Variants in CPEB1 observed in about 807,000 individuals in gnomAD.
CPEB1 encodes cytoplasmic polyadenylation element-binding protein 1.
CPEB1 carries 7 observed loss-of-function variants against 65.8 expected under a neutral mutation model. That is an observed-to-expected ratio of 0.11 (90% confidence interval 0.06 to 0.20). CPEB1 has a LOEUF of 0.20. Among genes scored for constraint, CPEB1 ranks in the 10% least tolerant of loss-of-function variants. The pLI, the probability that CPEB1 is intolerant of heterozygous loss-of-function variation, is 1.00. For synonymous variants in CPEB1, 262 were observed against 260.0 expected (o/e 1.01, Z -0.08); for missense variants, 551 against 712.2 (o/e 0.77, Z 2.58).
At chr15:82,609,093 G>C (rs1047318846) in intron 3 of CPEB1, among the ~76,000 whole-genome samples, 11 of 152,162 alleles carry the variant, frequency 7.2e-5, no homozygotes, top group African/African-American at 2.2e-4. Context: ...TTCATCAATG[G>C]ATCGAAGAAG....
At chr15:82,648,102 A>C, upstream of CPEB1, 1 of 364,808 alleles carries the variant, frequency 2.7e-6, no homozygotes, top group Non-Finnish European at 4.9e-6. Flanking sequence ...CGCCCCTCCT[A>C]GCAGGCCGAG....
At position 82,547,325 on chromosome 15, in the gene CPEB1, C is replaced by G. The variant is rs146805892; in HGVS notation, c.1481-88G>C. ...TTTTTTTTTTTTTTTGAGATGGAGT[C>G]TCGCTCTTTCGCCCAGGCTGGTGTG... On this transcript the variant is annotated intron_variant, in intron 10 of 12. Coordinates refer to ENST00000684509, the MANE Select transcript of CPEB1 (RefSeq NM_001365242.1). The G allele has an allele frequency of 1.1e-3, 757 of 685,210 alleles. 4 individuals are homozygous for G. In the African/African-American group the frequency reaches 0.014, roughly 13 times the overall value. 42.4% of individuals were successfully genotyped at this position (685,210 alleles called of 1,614,324 possible).
intron 10 of CPEB1, 35 bp from the exon 11 acceptor site, chr15:82,547,272 A>G: frequency 8.7e-7 from 1 of 1,151,600 alleles, no homozygotes; most frequent in Non-Finnish European, 1.3e-6. Flanking sequence ...CTTCTAACCA[A>G]ATTCTCCCAA....
At chr15:82,567,642 A>AG (rs1567185851) in intron 4 of CPEB1, among the ~76,000 whole-genome samples, 2 of 151,944 alleles carry the variant, frequency 1.3e-5, no homozygotes, top group Non-Finnish European at 2.9e-5. Context: ...TCTCAAAAAA[A>AG]AAAAGAAAAG....
At chr15:82,629,587 A>T in intron 1 of CPEB1, 1 of 985,254 alleles carries the variant, frequency 1.0e-6, no homozygotes, top group Non-Finnish European at 1.2e-6. Context: ...GGTCTCCCTC[A>T]CTCTCCACAG....
At chr15:82,608,667 TG>T (rs1180319027) in intron 3 of CPEB1, among the ~76,000 whole-genome samples, 1 of 152,244 alleles carries the variant, frequency 6.6e-6, no homozygotes, top group Non-Finnish European at 1.5e-5. Flanking sequence ...CAAAGTTTAT[TG>T]TGACAATTTT....
chr15:82,590,314 A>AT (rs1567205471), intron 3 of CPEB1, among the ~76,000 whole-genome samples: 1 of 151,514 alleles, frequency 6.6e-6, no homozygotes, highest in Non-Finnish European at 1.5e-5. Flanking sequence ...CCCATTACAC[A>AT]TATTTTTTCC....
At chr15:82,627,631 G>T (rs1432829732) in intron 2 of CPEB1, among the ~76,000 whole-genome samples, 1 of 152,062 alleles carries the variant, frequency 6.6e-6, no homozygotes, top group African/African-American at 2.4e-5. Context: ...GGCAAAAAGG[G>T]GTAGGCTAAC....
intron 3 of CPEB1, among the ~76,000 whole-genome samples, chr15:82,577,117 T>C (rs2040734916): frequency 6.6e-6 from 1 of 152,244 alleles, no homozygotes; most frequent in African/African-American, 2.4e-5. Flanking sequence ...TGACAAAACA[T>C]ACTTAAAGCA....
At chr15:82,594,134 G>C (rs1467699523) in intron 3 of CPEB1, among the ~76,000 whole-genome samples, 1 of 152,180 alleles carries the variant, frequency 6.6e-6, no homozygotes, top group Non-Finnish European at 1.5e-5. Context: ...TTTGAAGCCA[G>C]AAACTGACTT....
intron 3 of CPEB1, among the ~76,000 whole-genome samples, chr15:82,590,493 C>T (rs755171101): frequency 6.6e-6 from 1 of 152,156 alleles, no homozygotes; most frequent in Non-Finnish European, 1.5e-5. Flanking sequence ...AACCTGTATC[C>T]TTTCAGCAGT....
intron 7 of CPEB1, 54 bp downstream of exon 7, chr15:82,553,824 T>G: frequency 7.8e-7 from 1 of 1,285,034 alleles, no homozygotes; most frequent in South Asian, 1.2e-5. Flanking sequence ...TTCATGCTCC[T>G]GAAAGACATG....
chr15:82,579,725 A>T (rs535932132), intron 3 of CPEB1, among the ~76,000 whole-genome samples: 1 of 150,770 alleles, frequency 6.6e-6, no homozygotes, highest in East Asian at 2.0e-4. Context: ...ATCCTGGCTA[A>T]CAAGGTGAAA....
intron 3 of CPEB1, among the ~76,000 whole-genome samples, chr15:82,610,709 G>C (rs2044048214): frequency 6.6e-6 from 1 of 151,812 alleles, no homozygotes; most frequent in South Asian, 2.1e-4. Context: ...TGTAATCCCA[G>C]CACTTTGGGA....
At chr15:82,643,657 G>GA (rs34214467) in intron 1 of CPEB1, among the ~76,000 whole-genome samples, 12 of 149,394 alleles carry the variant, frequency 8.0e-5, no homozygotes, top group African/African-American at 1.7e-4. Flanking sequence ...TGAAATATAG[G>GA]AAAAAAAAAA....
At chr15:82,598,464 G>A (rs989659285) in intron 3 of CPEB1, among the ~76,000 whole-genome samples, 2 of 151,958 alleles carry the variant, frequency 1.3e-5, no homozygotes, top group African/African-American at 4.8e-5. Context: ...ACTCCAGCCT[G>A]AGTGACAGAG....
Position 82,555,906 on chromosome 15 carries a change from T to C in CPEB1, c.904A>G (p.Ile302Val). 6.2e-7 allele frequency: 1 copy of C among 1,613,754 alleles called. No individual in the cohort carries two copies. Among genetic ancestry groups the C allele is most frequent in the Non-Finnish European group, 8.5e-7 (1 of 1,179,828 alleles). ...CGGTGCAGCCTGGCCTCTCTCTCTA[T>C]GCTGAAGGGGTCTTTGGGAGCTTCG... is the stretch of plus-strand genomic sequence containing the variant. ...LLEAPKDPFS[I>V]EREARLHRQA... The change falls in exon 6 of 13, where the codon ATA (isoleucine) becomes GTA (valine). Residue 302 changes from isoleucine (I) to valine (V), a missense_variant. This residue lies in a region of CPEB1 where 128 missense variants were observed against 129.1 expected (regional missense o/e 0.99). Transcript: ENST00000684509.
intron 3 of CPEB1, among the ~76,000 whole-genome samples, chr15:82,580,432 T>C (rs1325323358): frequency 2.0e-5 from 3 of 152,192 alleles, no homozygotes; most frequent in South Asian, 2.1e-4. Flanking sequence ...CTCTCTACTA[T>C]TGTAAATCTA....
intron 3 of CPEB1, among the ~76,000 whole-genome samples, chr15:82,613,908 G>C (rs1307929325): frequency 6.6e-6 from 1 of 152,062 alleles, no homozygotes; most frequent in Non-Finnish European, 1.5e-5. Flanking sequence ...GAGGCTGCCA[G>C]GAAGGGACTG....
Sources: gnomAD v4.1 joint callset for allele counts (sites outside exome capture counted in the v4.1 genomes callset) on GRCh38, gnomAD v4.1.1 for gene constraint, gnomAD v4.1.1 regional missense constraint, MANE v1.5 for transcripts, NCBI Gene and HGNC (gene_info 2026-07-23, HGNC 2026-07-21) for gene names.